Variants in FILIP1 observed in about 807,000 individuals in gnomAD.
FILIP1 encodes the protein filamin A interacting protein 1, also known as filamin-A-interacting protein 1.
FILIP1 carries 61 observed loss-of-function variants against 102.1 expected under a neutral mutation model. That is an observed-to-expected ratio of 0.60 (90% CI 0.49 to 0.74). FILIP1 has a LOEUF of 0.74. Among genes scored for constraint, FILIP1 ranks in the 30% least tolerant of loss-of-function variants. The probability of loss-of-function intolerance (pLI) is 0.00; values close to 1 mark genes in which losing one functional copy is unlikely to be tolerated. For missense variants in FILIP1, 1,314 were observed against 1,441.2 expected, an observed-to-expected ratio of 0.91 and a Z score of 1.43; for synonymous variants, 491 against 526.9, an observed-to-expected ratio of 0.93 and a Z score of 0.93.
At chr6:75,368,992 G>A (rs186385994) in intron 2 of FILIP1, among the ~76,000 whole-genome samples, 28 of 152,314 alleles carry the variant, frequency 1.8e-4, no homozygotes, top group Admixed American at 9.8e-4. Context: ...CCAAAGCACA[G>A]CTGCACTTGG....
intron 4 of FILIP1, among the ~76,000 whole-genome samples, chr6:75,328,121 T>A (rs1004715162): frequency 1.3e-5 from 2 of 152,218 alleles, no homozygotes; most frequent in Non-Finnish European, 2.9e-5. Flanking sequence ...TGGATTTTTT[T>A]AAAATTTAGA....
At chr6:75,370,134 C>T (rs1183804845) in intron 2 of FILIP1, among the ~76,000 whole-genome samples, 2 of 152,216 alleles carry the variant, frequency 1.3e-5, no homozygotes, top group Non-Finnish European at 2.9e-5. Context: ...AATATGACCC[C>T]ATTGCTGCAG....
At chr6:75,304,480 T>C (rs914449820), downstream of FILIP1, among the ~76,000 whole-genome samples, 1 of 152,124 alleles carries the variant, frequency 6.6e-6, no homozygotes, top group East Asian at 1.9e-4. Context: ...CCTCCCAGAG[T>C]GCTGGGATTA....
chr6:75,488,352 T>C (rs1779855636), intron 1 of FILIP1, among the ~76,000 whole-genome samples: 1 of 152,108 alleles, frequency 6.6e-6, no homozygotes. Flanking sequence ...TCTTTGAAAT[T>C]AAACTGCCTC....
Position 75,313,986 on chromosome 6 carries a change from G to A in FILIP1, c.1846C>T (p.Arg616Ter), listed in dbSNP as rs1470989448. 10 of 1,573,586 alleles carry A rather than the reference G, an allele frequency of 6.4e-6. No homozygotes were observed. The East Asian group carries it at 6.7e-5, about 11-fold the overall frequency. ...VEREITRGRS[R>*]KGSELTCPED... ...GGGCAGGTGAGCTCAGACCCTTTTC[G>A]TGACCTTCCTCTTGTTATTTCTCTT... Residue 616 changes from arginine to a stop codon, truncating the protein, a stop_gained, in exon 5 of 6, where the codon CGA becomes TGA. Transcript: ENST00000237172. LOFTEE classifies it high-confidence loss of function. This position sits in a 1 kb window ranked among gnomAD's most constrained non-coding sequence, Gnocchi z 4.2.
chr6:75,420,076 G>A (rs1777402440), intron 1 of FILIP1, among the ~76,000 whole-genome samples: 1 of 151,660 alleles, frequency 6.6e-6, no homozygotes, highest in Non-Finnish European at 1.5e-5. Context: ...GAAAATTCCT[G>A]TAAGTAATTT....
At position 75,313,598 on chromosome 6, in the gene FILIP1, T is replaced by A; in HGVS notation, c.2234A>T (p.Gln745Leu). 6.2e-7 allele frequency: 1 copy of A among 1,610,910 alleles called. No individual in the cohort carries two copies. The highest frequency in any genetic ancestry group is 8.5e-7 in the Non-Finnish European group (1 of 1,179,184). The stretch of plus-strand genomic sequence containing the variant: ...TTGTTGAAGTACAGAATAATCTACC[T>A]GGAGCTGAGAAAGCTGATCTTCTTT... ...MNKEDQLSQLQVDYSVLQQRF... is the reference protein window; with the variant it reads ...MNKEDQLSQLLVDYSVLQQRF... The change falls in exon 5 of 6, where the codon CAG becomes CTG. Residue 745 changes from glutamine to leucine, a missense_variant. By Grantham distance (113) the Gln-to-Leu change is moderately radical. This residue lies in a region of FILIP1 where 816 missense variants were observed against 913.1 expected (regional missense o/e 0.89). Coordinates refer to ENST00000237172, the MANE Select transcript of FILIP1 (RefSeq NM_015687.5). The surrounding 1 kb of genome is among the most constrained non-coding windows in gnomAD (Gnocchi z 4.2).
chr6:75,332,308 T>C lies in FILIP1; in HGVS notation c.630-17106A>G, dbSNP rs184164254. ...CTTTTCAAACACCCACTCCAATTGG[T>C]CAGATGAAATACTTTTAAAATAAGA... On this transcript the variant is annotated intron_variant, in intron 4 of 5. Transcript: ENST00000237172. Among the ~76,000 whole-genome samples, 51 of 152,310 alleles carry C rather than the reference T, an allele frequency of 3.3e-4. No individual in the cohort carries two copies. In the East Asian group the frequency reaches 9.6e-3, roughly 29 times the overall value.
At chr6:75,298,914 T>C (rs1428308186) in intron 6 of FILIP1, among the ~76,000 whole-genome samples, 2 of 151,662 alleles carry the variant, frequency 1.3e-5, no homozygotes, top group Non-Finnish European at 2.9e-5. Context: ...AGAGACTCAG[T>C]CTCAAAAAAA....
At chr6:75,347,561 C>T (rs560678602) in intron 4 of FILIP1, among the ~76,000 whole-genome samples, 2 of 152,330 alleles carry the variant, frequency 1.3e-5, no homozygotes, top group African/African-American at 4.8e-5. Context: ...ATTTTGCTAA[C>T]ATGCTTTTGA....
chr6:75,465,941 T>C (rs1010427439), intron 1 of FILIP1, among the ~76,000 whole-genome samples: 5 of 152,162 alleles, frequency 3.3e-5, no homozygotes, highest in Non-Finnish European at 7.4e-5. Flanking sequence ...CTCTCCCTCA[T>C]TCACCTGCTC....
Position 75,481,285 on chromosome 6 carries a change from T to C in FILIP1, c.-7+12129A>G, listed in dbSNP as rs76445493. 5.0e-3 allele frequency among the ~76,000 whole-genome samples: 761 copies of C among 152,314 alleles called. 6 individuals are homozygous for C. The highest frequency in any genetic ancestry group is 0.017 in the African/African-American group (720 of 41,556). Reference sequence around the variant, plus strand: ...GTATCCCAATCCCTAGCTCGGTGCCTGAAACACGAGTCTCAAAAAATATTT... The same window carrying C: ...GTATCCCAATCCCTAGCTCGGTGCCCGAAACACGAGTCTCAAAAAATATTT... On this transcript the variant is annotated intron_variant, in intron 1 of 5. Transcript: ENST00000237172.
At chr6:75,442,259 C>T (rs1778288430) in intron 1 of FILIP1, among the ~76,000 whole-genome samples, 1 of 151,830 alleles carries the variant, frequency 6.6e-6, no homozygotes, top group African/African-American at 2.4e-5. Flanking sequence ...AGACGCTCCT[C>T]ACTTTCCAGA....
intron 1 of FILIP1, among the ~76,000 whole-genome samples, chr6:75,432,145 A>C (rs1777843768): frequency 6.6e-6 from 1 of 152,226 alleles, no homozygotes; most frequent in South Asian, 2.1e-4. Context: ...TGTCAAGTGC[A>C]TATTTATAAA....
At chr6:75,389,991 A>G (rs1187151761) in intron 2 of FILIP1, among the ~76,000 whole-genome samples, 1 of 152,078 alleles carries the variant, frequency 6.6e-6, no homozygotes, top group African/African-American at 2.4e-5. Flanking sequence ...GAATCATCCA[A>G]AGCTTAAAAC....
intron 1 of FILIP1, among the ~76,000 whole-genome samples, chr6:75,452,995 G>A (rs764642564): frequency 6.6e-6 from 1 of 152,200 alleles, no homozygotes; most frequent in African/African-American, 2.4e-5. Context: ...TCCATTGATA[G>A]GTGTTTTGTA....
intron 4 of FILIP1, among the ~76,000 whole-genome samples, chr6:75,341,157 GTT>G (rs59686323): frequency 4.4e-4 from 64 of 144,166 alleles, no homozygotes; most frequent in African/African-American, 1.2e-3. Flanking sequence ...TTTTTGTTTT[GTT>G]TTTTTTTTTT....
chr6:75,450,652 GAA>G (rs201690421), intron 1 of FILIP1, among the ~76,000 whole-genome samples: 37 of 91,152 alleles, frequency 4.1e-4, no homozygotes, highest in African/African-American at 1.4e-3. Flanking sequence ...TCTTAAAAAA[GAA>G]AAAAAAAAAA....
intron 4 of FILIP1, among the ~76,000 whole-genome samples, chr6:75,330,393 C>T (rs1219356428): frequency 6.6e-6 from 1 of 152,092 alleles, no homozygotes; most frequent in Non-Finnish European, 1.5e-5. Context: ...CAAAAGCCCT[C>T]GTACACTTTT....
Sources: gnomAD v4.1 joint callset for allele counts (sites outside exome capture counted in the v4.1 genomes callset) on GRCh38, gnomAD v4.1.1 for gene constraint, gnomAD v4.1.1 regional missense constraint, Gnocchi (gnomAD v3.1) non-coding constraint, MANE v1.5 for transcripts, NCBI Gene and HGNC (gene_info 2026-07-23, HGNC 2026-07-21) for gene names.